Variants in CDH18 observed in about 807,000 individuals in gnomAD.
The protein encoded by CDH18 is cadherin 18, also known as cadherin-18.
In CDH18, 31 loss-of-function variants were observed where a neutral mutation model predicts 67.9. The observed-to-expected ratio is 0.46, with a 90% CI of 0.34 to 0.62. The LOEUF is 0.62. CDH18 is among the 20% of genes least tolerant of loss of function. The pLI, the probability that CDH18 is intolerant of heterozygous loss-of-function variation, is 0.01. For missense variants in CDH18, 890 were observed against 975.5 expected, an observed-to-expected ratio of 0.91 and a Z score of 1.17; for synonymous variants, 362 against 347.2, an observed-to-expected ratio of 1.04 and a Z score of -0.48.
intron 5 of CDH18, among the ~76,000 whole-genome samples, chr5:19,638,236 A>G (rs1298817106): frequency 6.6e-6 from 1 of 152,186 alleles, no homozygotes. Flanking sequence ...ATTTTCTCTA[A>G]AATTTCTAGA....
At chr5:20,058,510 A>G in intron 2 of CDH18, among the ~76,000 whole-genome samples, 1 of 152,104 alleles carries the variant, frequency 6.6e-6, no homozygotes, top group Non-Finnish European at 1.5e-5. Flanking sequence ...ACTTGATATA[A>G]TTTTGAACTT....
chr5:20,341,500 T>C (rs1469370065), intron 1 of CDH18, among the ~76,000 whole-genome samples: 3 of 150,696 alleles, frequency 2.0e-5, no homozygotes, highest in Non-Finnish European at 4.4e-5. Flanking sequence ...AAACTCTCCT[T>C]TGTATATATA....
chr5:19,534,112 C>T (rs1235975303), intron 9 of CDH18, among the ~76,000 whole-genome samples: 1 of 151,954 alleles, frequency 6.6e-6, no homozygotes, highest in Non-Finnish European at 1.5e-5. Flanking sequence ...CATCAAATTG[C>T]TCCTTATTGT....
At chr5:20,412,250 C>CAAAAAT (rs1746850940) in intron 1 of CDH18, among the ~76,000 whole-genome samples, 1 of 151,916 alleles carries the variant, frequency 6.6e-6, no homozygotes, top group South Asian at 2.1e-4. Context: ...ACAAAATCTA[C>CAAAAAT]AAAAATAAAC....
At chr5:19,686,376 GT>G (rs1301612424) in intron 5 of CDH18, among the ~76,000 whole-genome samples, 4 of 152,126 alleles carry the variant, frequency 2.6e-5, no homozygotes, top group African/African-American at 4.8e-5. Flanking sequence ...AAGTTTTTAT[GT>G]GATAGTAGGT....
chr5:20,438,144 A>T lies in CDH18; in HGVS notation c.-580+137318T>A, dbSNP rs557167346. Among the ~76,000 whole-genome samples, 45 of 151,120 alleles carry T rather than the reference A, an allele frequency of 3.0e-4. 1 individual carries two copies. The highest frequency in any genetic ancestry group is 5.8e-4 in the Non-Finnish European group (39 of 67,566). ...GACAAAAAGAACATGCTGATATATC[A>T]TCCCTATTCACGAATAAAGTACTTT... On this transcript the variant is annotated intron_variant, in intron 1 of 14. Coordinates refer to the CDH18 transcript ENST00000507958.
chr5:20,320,941 G>A (rs553693729), intron 1 of CDH18, among the ~76,000 whole-genome samples: 2 of 152,126 alleles, frequency 1.3e-5, no homozygotes, highest in East Asian at 1.9e-4. Flanking sequence ...TGTTTGGGGT[G>A]GTGCATGGAT....
At chr5:19,633,906 A>G (rs1358873213) in intron 5 of CDH18, among the ~76,000 whole-genome samples, 1 of 152,220 alleles carries the variant, frequency 6.6e-6, no homozygotes, top group Non-Finnish European at 1.5e-5. Flanking sequence ...TGCTAGGATT[A>G]CAAGTATTAG....
At chr5:19,776,607 G>A (rs1169809053) in intron 3 of CDH18, among the ~76,000 whole-genome samples, 4 of 152,150 alleles carry the variant, frequency 2.6e-5, no homozygotes, top group African/African-American at 9.7e-5. Flanking sequence ...GTCATACATT[G>A]ACAGTGGGTT....
intron 2 of CDH18, among the ~76,000 whole-genome samples, chr5:20,229,093 G>A (rs1741866084): frequency 6.6e-6 from 1 of 151,958 alleles, no homozygotes; most frequent in African/African-American, 2.4e-5. Context: ...TGCCATATGA[G>A]GATGCTAGCA....
chr5:19,988,464 C>T (rs911601593), upstream of CDH18, among the ~76,000 whole-genome samples: 3 of 152,026 alleles, frequency 2.0e-5, no homozygotes, highest in African/African-American at 7.2e-5. Context: ...TCAGCAAGGT[C>T]ATGTAGAAAA....
chr5:20,483,597 G>A (rs1382463797), intron 1 of CDH18, among the ~76,000 whole-genome samples: 1 of 150,584 alleles, frequency 6.6e-6, no homozygotes, highest in Non-Finnish European at 1.5e-5. Context: ...AATCAGAATA[G>A]AGAACCTAGA....
chr5:20,532,936 T>A (rs1756506081), intron 1 of CDH18, among the ~76,000 whole-genome samples: 1 of 151,992 alleles, frequency 6.6e-6, no homozygotes, highest in Non-Finnish European at 1.5e-5. Context: ...TCGTACAGTT[T>A]GACTTGTGTT....
chr5:20,056,633 TG>T (rs961844464), intron 2 of CDH18, among the ~76,000 whole-genome samples: 2 of 149,330 alleles, frequency 1.3e-5, no homozygotes, highest in African/African-American at 4.9e-5. Flanking sequence ...TACCCACAGT[TG>T]CTGAGACAAA....
intron 5 of CDH18, among the ~76,000 whole-genome samples, chr5:19,664,510 A>C (rs572637419): frequency 7.5e-4 from 114 of 152,108 alleles, no homozygotes; most frequent in Non-Finnish European, 1.4e-3. Flanking sequence ...GCCTGACTGT[A>C]AGGACAAAAA....
At chr5:19,553,419 A>T (rs386225) in intron 8 of CDH18, among the ~76,000 whole-genome samples, 15,007 of 151,508 alleles carry the variant, frequency 0.099, 1,040 homozygotes, top group African/African-American at 0.19. Context: ...TAATAAAATT[A>T]AAAAAATAAA....
At chr5:20,065,418 T>A (rs1006178581) in intron 2 of CDH18, among the ~76,000 whole-genome samples, 2 of 151,988 alleles carry the variant, frequency 1.3e-5, no homozygotes, top group African/African-American at 4.8e-5. Context: ...ATACAGTAGT[T>A]TAGACACTTA....
chr5:19,724,654 A>T (rs1766566260), intron 4 of CDH18, among the ~76,000 whole-genome samples: 1 of 152,186 alleles, frequency 6.6e-6, no homozygotes, highest in Non-Finnish European at 1.5e-5. Flanking sequence ...CATTGTGAAA[A>T]AAAAAAGATT....
chr5:20,254,943 G>T (rs1487423491), intron 2 of CDH18, among the ~76,000 whole-genome samples: 2 of 151,948 alleles, frequency 1.3e-5, no homozygotes, highest in African/African-American at 2.4e-5. Context: ...CCATAAAAAA[G>T]GAATAAAATC....
Sources: gnomAD v4.1 joint callset for allele counts (sites outside exome capture counted in the v4.1 genomes callset) on GRCh38, gnomAD v4.1.1 for gene constraint, MANE v1.5 for transcripts, NCBI Gene and HGNC (gene_info 2026-07-23, HGNC 2026-07-21) for gene names.